The following TLN2 variants were observed in gnomAD, a reference collection of about 807,000 sequenced individuals.
TLN2 encodes talin 2.
Under a neutral mutation model 294.7 loss-of-function variants are expected in TLN2, and 118 were observed. The ratio of observed to expected loss-of-function variants is 0.40; its 90% CI spans 0.34 to 0.47. TLN2 has a LOEUF of 0.47. TLN2 is among the 20% of genes least tolerant of loss of function. TLN2 has a pLI of 0.84. For synonymous variants in TLN2, 1,431 were observed against 1,304.5 expected (o/e 1.10, Z -2.09); for missense variants, 3,083 against 3,282.2 (o/e 0.94, Z 1.48).
intron 1 of TLN2, among the ~76,000 whole-genome samples, chr15:62,495,447 G>A (rs1191029304): frequency 1.3e-5 from 2 of 152,192 alleles, no homozygotes; most frequent in Non-Finnish European, 2.9e-5. Context: ...GCCTCTCATG[G>A]GAATGGCATT....
intron 1 of TLN2, among the ~76,000 whole-genome samples, chr15:62,578,796 T>C (rs1428371789): frequency 6.6e-6 from 1 of 152,136 alleles, no homozygotes; most frequent in Non-Finnish European, 1.5e-5. Context: ...ATCGGCCTTT[T>C]ACAGGGGAGC....
chr15:62,581,169 C>T (rs527464219), intron 1 of TLN2, among the ~76,000 whole-genome samples: 6 of 152,232 alleles, frequency 3.9e-5, no homozygotes, highest in Admixed American at 3.3e-4. Context: ...TGTGAGACAC[C>T]GCGCCCGGCC....
At chr15:62,835,443 G>A (rs1196560773) in intron 55 of TLN2, 1 of 485,254 alleles carries the variant, frequency 2.1e-6, no homozygotes, top group Non-Finnish European at 3.7e-6. Flanking sequence ...ACAGCCCCAG[G>A]TCATCATTCC....
intron 13 of TLN2, 113 bp downstream of exon 13, chr15:62,693,054 G>A (rs148032062): frequency 1.2e-6 from 1 of 854,080 alleles, no homozygotes; most frequent in African/African-American, 1.7e-5. Flanking sequence ...TTGAGGCCAG[G>A]CATGGTGGCT....
At chr15:62,579,449 G>C (rs180794160) in intron 1 of TLN2, among the ~76,000 whole-genome samples, 1 of 152,186 alleles carries the variant, frequency 6.6e-6, no homozygotes, top group Non-Finnish European at 1.5e-5. Flanking sequence ...ATTCGGTCTT[G>C]ATTAGCAGAA....
At chr15:62,765,432 GA>G (rs747933089) in intron 40 of TLN2, among the ~76,000 whole-genome samples, 139 of 152,182 alleles carry the variant, frequency 9.1e-4, no homozygotes, top group Non-Finnish European at 1.7e-3. Flanking sequence ...TGTTCTGTGG[GA>G]AAGTAGTGAA....
intron 3 of TLN2, among the ~76,000 whole-genome samples, chr15:62,626,104 T>A (rs2140873903): frequency 6.6e-6 from 1 of 151,938 alleles, no homozygotes; most frequent in South Asian, 2.1e-4. Flanking sequence ...ATGGCACACA[T>A]AACGATATAC....
chr15:62,616,998 AT>A (rs1017103398), intron 2 of TLN2, among the ~76,000 whole-genome samples: 1 of 151,920 alleles, frequency 6.6e-6, no homozygotes, highest in Non-Finnish European at 1.5e-5. Context: ...TTCTTGCAGG[AT>A]TTTCTAATAG....
intron 1 of TLN2, among the ~76,000 whole-genome samples, chr15:62,449,586 G>A (rs1320713838): frequency 1.3e-5 from 2 of 152,024 alleles, no homozygotes; most frequent in African/African-American, 2.4e-5. Context: ...TTGGGAGGCC[G>A]AGACAGGAGG....
At chr15:62,598,106 A>G in intron 2 of TLN2, among the ~76,000 whole-genome samples, 1 of 152,310 alleles carries the variant, frequency 6.6e-6, no homozygotes, top group East Asian at 1.9e-4. Context: ...TGTCTTAGGC[A>G]CCTACATCCT....
At chr15:62,780,809 T>G (rs541876971) in intron 43 of TLN2, among the ~76,000 whole-genome samples, 3 of 152,316 alleles carry the variant, frequency 2.0e-5, no homozygotes, top group African/African-American at 7.2e-5. Context: ...TCCATGTACG[T>G]GAATTCTGTT....
chr15:62,480,466 A>C (rs2038020807), intron 1 of TLN2, among the ~76,000 whole-genome samples: 1 of 152,030 alleles, frequency 6.6e-6, no homozygotes, highest in Non-Finnish European at 1.5e-5. Flanking sequence ...TCAAGTGATA[A>C]CAGCCACCTC....
chr15:62,746,931 A>G (rs1157155324), intron 32 of TLN2, among the ~76,000 whole-genome samples: 1 of 152,168 alleles, frequency 6.6e-6, no homozygotes. Flanking sequence ...TGGGTTTTCA[A>G]TTTTAAGACT....
intron 28 of TLN2, among the ~76,000 whole-genome samples, chr15:62,731,752 C>T (rs1014291613): frequency 6.6e-6 from 1 of 152,086 alleles, no homozygotes; most frequent in Non-Finnish European, 1.5e-5. Context: ...AGATCTTGGC[C>T]CTCTTTACCT....
intron 1 of TLN2, among the ~76,000 whole-genome samples, chr15:62,425,324 A>C (rs2034649646): frequency 6.9e-6 from 1 of 144,000 alleles, no homozygotes; most frequent in Admixed American, 7.0e-5. Flanking sequence ...CCTGGGGAAT[A>C]CTGCCTGCGG....
At position 62,574,579 on chromosome 15, in the gene TLN2, C is replaced by CAAAAAAAAAAAAAAA. The variant is rs56279063; in HGVS notation, c.-237-15082_-237-15068dup. On this transcript the variant is annotated intron_variant, in intron 1 of 58. Coordinates refer to ENST00000636159, the MANE Select transcript of TLN2 (RefSeq NM_015059.3). ...TGGGCAACAGGATGAGACCCTGTCT[C>CAAAAAAAAAAAAAAA]AAAAAAAAAAAAAAAAAAAAAAAAA... Among the ~76,000 whole-genome samples the CAAAAAAAAAAAAAAA allele has an allele frequency of 4.9e-4, 23 of 46,486 alleles. 3 individuals are homozygous for CAAAAAAAAAAAAAAA. Among genetic ancestry groups the CAAAAAAAAAAAAAAA allele is most frequent in the Non-Finnish European group, 6.8e-4 (18 of 26,332 alleles). 30.5% of individuals were successfully genotyped at this position (46,486 alleles called of 152,430 possible). A position where few individuals can be genotyped will look rare whatever the true frequency, so the allele number is the denominator to read the frequency against.
chr15:62,681,739 T>C (rs778638238), intron 11 of TLN2, among the ~76,000 whole-genome samples: 1 of 152,216 alleles, frequency 6.6e-6, no homozygotes, highest in Non-Finnish European at 1.5e-5. Context: ...CGAGCTAATG[T>C]ATGTAAACAA....
chr15:62,559,305 A>G (rs1400396633), intron 1 of TLN2, among the ~76,000 whole-genome samples: 1 of 152,152 alleles, frequency 6.6e-6, no homozygotes, highest in African/African-American at 2.4e-5. Flanking sequence ...TGCGTGGGCT[A>G]CAATCTAAGT....
chr15:62,561,917 C>T (rs1325845738), intron 1 of TLN2, among the ~76,000 whole-genome samples: 2 of 152,062 alleles, frequency 1.3e-5, no homozygotes, highest in Non-Finnish European at 2.9e-5. Context: ...TGTCCTTTTC[C>T]TTCCTGGACT....
Sources: allele counts gnomAD v4.1 joint callset (sites outside exome capture counted in the v4.1 genomes callset), GRCh38; gene constraint gnomAD v4.1.1; transcripts MANE v1.5; gene names NCBI Gene and HGNC (gene_info 2026-07-23, HGNC 2026-07-21).